Variants in TEX11 observed in about 807,000 individuals in gnomAD.
The protein encoded by TEX11 is testis-expressed protein 11.
Under a neutral mutation model 84.4 loss-of-function variants are expected in TEX11, and 7 were observed. The observed-to-expected ratio is 0.08, with a 90% CI of 0.05 to 0.16. The LOEUF (loss-of-function observed/expected upper bound fraction) is 0.16. TEX11 is among the 10% of genes least tolerant of loss of function. The pLI, the probability that TEX11 is intolerant of heterozygous loss-of-function variation, is 1.00. For synonymous variants in TEX11, 264 were observed against 222.8 expected (o/e 1.18, Z -1.64); for missense variants, 551 against 660.5 (o/e 0.83, Z 1.82).
In TEX11 at chrX:70,641,181, A is replaced by G. The variant is rs756446463; in HGVS notation, c.1483+10269T>C. ...CAAAAGAGACAAAGAAGGCCATTAC[A>G]TAATGGTAAAGGGATCAATTCAACA... On this transcript the variant is annotated intron_variant, in intron 17 of 29. Transcript: ENST00000374333. Among the ~76,000 whole-genome samples, 172 of 111,820 alleles carry G rather than the reference A, an allele frequency of 1.5e-3. 1 individual carries two copies. The highest frequency in any genetic ancestry group is 5.5e-3 in the African/African-American group (169 of 30,774).
chrX:70,512,721 G>T, the TEX11 span, among the ~76,000 whole-genome samples: 2 of 109,374 alleles, frequency 1.8e-5, 1 homozygote, highest in African/African-American at 6.8e-5. Flanking sequence ...ATGAATGAAT[G>T]AATGAATGAA....
intron 9 of TEX11, among the ~76,000 whole-genome samples, chrX:70,786,195 C>G (rs1380792851): frequency 9.0e-6 from 1 of 111,314 alleles, no homozygotes; most frequent in African/African-American, 3.3e-5. Context: ...TGGAAACCAT[C>G]ATTCTGAGCA....
intron 9 of TEX11, among the ~76,000 whole-genome samples, chrX:70,795,684 G>T (rs1453753188): frequency 4.5e-5 from 5 of 110,832 alleles, no homozygotes; most frequent in Non-Finnish European, 7.5e-5. Flanking sequence ...AGAGAACAAA[G>T]AGTCTCTGCT....
intron 9 of TEX11, among the ~76,000 whole-genome samples, chrX:70,805,728 C>T (rs1045947503): frequency 1.8e-5 from 2 of 111,459 alleles, no homozygotes; most frequent in African/African-American, 3.3e-5. Flanking sequence ...ATATTCAAAG[C>T]ACTGCACCTT....
At chrX:70,548,400 C>T (rs2088166891) in intron 28 of TEX11, among the ~76,000 whole-genome samples, 1 of 108,563 alleles carries the variant, frequency 9.2e-6, no homozygotes, top group Admixed American at 1.0e-4. Flanking sequence ...CACATGTACC[C>T]TAAAACTTAA....
chrX:70,876,221 A>G (rs955817101), intron 3 of TEX11, among the ~76,000 whole-genome samples: 2 of 112,229 alleles, frequency 1.8e-5, no homozygotes, highest in African/African-American at 6.5e-5. Context: ...TGTACAGTAT[A>G]ATTATAGCTA....
chrX:70,750,924 A>T (rs1386453999), intron 9 of TEX11, among the ~76,000 whole-genome samples: 530 of 33,819 alleles, frequency 0.016, 6 homozygotes, highest in Middle Eastern at 0.035. Flanking sequence ...AGTATAATAA[A>T]AAAAAAAAAA....
At chrX:70,703,592 T>C (rs2090343672) in intron 13 of TEX11, among the ~76,000 whole-genome samples, 1 of 111,594 alleles carries the variant, frequency 9.0e-6, no homozygotes, top group Non-Finnish European at 1.9e-5. Flanking sequence ...ATCTCCCCTA[T>C]ACTGGTGTTA....
At chrX:70,795,061 T>C (rs985749322) in intron 9 of TEX11, among the ~76,000 whole-genome samples, 1 of 108,892 alleles carries the variant, frequency 9.2e-6, no homozygotes, top group African/African-American at 3.4e-5. Flanking sequence ...GACTCTTGGA[T>C]GGCATTTCTG....
chrX:70,516,039 A>G, the TEX11 span, among the ~76,000 whole-genome samples: 1 of 112,049 alleles, frequency 8.9e-6, no homozygotes, highest in Admixed American at 9.5e-5. Context: ...TCAGAAGAGT[A>G]GGTTGCGAAA....
intron 28 of TEX11, among the ~76,000 whole-genome samples, chrX:70,544,853 A>G (rs1338895676): frequency 9.2e-6 from 1 of 108,120 alleles, no homozygotes; most frequent in East Asian, 2.9e-4. Flanking sequence ...AAAAAAAAAA[A>G]AAAAACCCAA....
rs930993664 is a variant in TEX11 at position 70,573,393 on chromosome X, C to A, written c.2140+18358G>T. Among the ~76,000 whole-genome samples the A allele has an allele frequency of 2.7e-5, 3 of 111,689 alleles. No individual in the cohort carries two copies. The Admixed American group carries it at 2.9e-4, about 11-fold the overall frequency. ...GTATCTCCAGCTAATTGTCTAATTT[C>A]CTTCCAGGAAAAATCCTAAACTCAG... is the stretch of plus-strand genomic sequence containing the variant. On this transcript the variant is annotated intron_variant, in intron 25 of 29. Transcript: ENST00000374333.
At chrX:70,675,327 A>G (rs183599841) in intron 15 of TEX11, among the ~76,000 whole-genome samples, 70 of 111,555 alleles carry the variant, frequency 6.3e-4, no homozygotes, top group Non-Finnish European at 1.3e-3. Context: ...TCTTTGAGTG[A>G]TTAGTTATTT....
chrX:70,645,849 G>A (rs112100861), intron 17 of TEX11, among the ~76,000 whole-genome samples: 1,226 of 110,533 alleles, frequency 0.011, 22 homozygotes, highest in African/African-American at 0.038. Context: ...TACTACCCAA[G>A]GCAATCTACA....
intron 3 of TEX11, among the ~76,000 whole-genome samples, chrX:70,875,968 AGGG>A (rs1228641247): frequency 9.0e-6 from 1 of 111,712 alleles, no homozygotes; most frequent in East Asian, 2.8e-4. Context: ...TAAAACATTT[AGGG>A]GGGAAGTGTA....
chrX:70,711,377 A>G (rs1300201150), intron 13 of TEX11, among the ~76,000 whole-genome samples: 2 of 110,416 alleles, frequency 1.8e-5, no homozygotes, highest in Non-Finnish European at 3.8e-5. Flanking sequence ...GACTTCCACA[A>G]TGGTTGAACT....
intron 7 of TEX11, among the ~76,000 whole-genome samples, chrX:70,847,106 C>T (rs73546726): frequency 0.036 from 3,986 of 110,678 alleles, 178 homozygotes; most frequent in African/African-American, 0.12. Context: ...TCTGGTATCA[C>T]CCTCCCCTGT....
chrX:70,567,605 T>A (rs1232072655), intron 25 of TEX11, among the ~76,000 whole-genome samples: 1 of 111,601 alleles, frequency 9.0e-6, no homozygotes, highest in Non-Finnish European at 1.9e-5. Context: ...GTATGTTGTG[T>A]CTTTGTTCTC....
intron 25 of TEX11, among the ~76,000 whole-genome samples, chrX:70,581,549 C>T (rs760989088): frequency 6.3e-5 from 7 of 110,639 alleles, no homozygotes; most frequent in African/African-American, 9.9e-5. Context: ...CCACCCACCT[C>T]GGCCTCCCAA....
Sources: allele counts gnomAD v4.1 joint callset (sites outside exome capture counted in the v4.1 genomes callset), GRCh38; gene constraint gnomAD v4.1.1; transcripts MANE v1.5; gene names NCBI Gene and HGNC (gene_info 2026-07-23, HGNC 2026-07-21).